The following PREP variants were observed in gnomAD, a reference collection of about 807,000 sequenced individuals.
PREP encodes prolyl endopeptidase, also known as dJ355L5.1 (prolyl endopeptidase).
PREP carries 29 observed loss-of-function variants against 87.6 expected under a neutral mutation model. The observed-to-expected ratio is 0.33, with a 90% CI of 0.25 to 0.45. The LOEUF (loss-of-function observed/expected upper bound fraction) is 0.45. Ranked by LOEUF, PREP falls within the 20% of genes least tolerant of loss-of-function variation. The pLI is 1.00. For missense variants in PREP, 695 were observed against 886.5 expected, an observed-to-expected ratio of 0.78 and a Z score of 2.74; for synonymous variants, 337 against 328.6, an observed-to-expected ratio of 1.03 and a Z score of -0.28.
chr6:105,331,316 C>A (rs760757701), intron 8 of PREP, among the ~76,000 whole-genome samples: 1 of 152,152 alleles, frequency 6.6e-6, no homozygotes, highest in African/African-American at 2.4e-5. Flanking sequence ...TATCACCCCC[C>A]CAACAAAATC....
At chr6:105,328,496 C>A (rs1771232668) in intron 9 of PREP, among the ~76,000 whole-genome samples, 1 of 152,072 alleles carries the variant, frequency 6.6e-6, no homozygotes, top group Non-Finnish European at 1.5e-5. Context: ...CCTTGTGACC[C>A]GCCTCGGCCT....
intron 6 of PREP, among the ~76,000 whole-genome samples, chr6:105,356,169 G>A (rs990005410): frequency 6.6e-6 from 1 of 151,848 alleles, no homozygotes; most frequent in African/African-American, 2.4e-5. Context: ...TTATTTTCTG[G>A]TCTGCCTGCA....
chr6:105,284,042 G>A (rs563077215), intron 12 of PREP, among the ~76,000 whole-genome samples: 1 of 152,246 alleles, frequency 6.6e-6, no homozygotes, highest in East Asian at 1.9e-4. Flanking sequence ...GAGTCAAGGG[G>A]TTCAGAATTA....
intron 10 of PREP, among the ~76,000 whole-genome samples, chr6:105,321,477 G>GCTA (rs1470257925): frequency 6.6e-6 from 1 of 152,232 alleles, no homozygotes; most frequent in Admixed American, 6.5e-5. Context: ...ATTCCAGGCT[G>GCTA]CTATGTATGT....
chr6:105,291,479 A>C (rs1770295618), intron 10 of PREP, among the ~76,000 whole-genome samples: 1 of 152,188 alleles, frequency 6.6e-6, no homozygotes, highest in Non-Finnish European at 1.5e-5. Context: ...TCCACCCTTC[A>C]TCTGGTGGGC....
Position 105,382,531 on chromosome 6 carries a change from TA to T in PREP, c.121-5013del, listed in dbSNP as rs561274342. Among the ~76,000 whole-genome samples, 356 of 152,160 alleles carry T rather than the reference TA, an allele frequency of 2.3e-3. 1 individual carries two copies. Among genetic ancestry groups the T allele is most frequent in the African/African-American group, 1.3e-3 (53 of 41,506 alleles). ...GTGTAAATTAAAAATACTGTTCACT[TA>T]AAAAAAACTCATCTTTTTACAATTC... On this transcript the variant is annotated intron_variant, in intron 2 of 14. Transcript: ENST00000652536.
intron 10 of PREP, among the ~76,000 whole-genome samples, chr6:105,321,645 G>A (rs547625881): frequency 1.3e-5 from 2 of 152,184 alleles, no homozygotes; most frequent in South Asian, 4.2e-4. Context: ...ATCTAATAGA[G>A]GAAACACCCC....
In PREP at chr6:105,377,535, A is replaced by C. The variant is rs375740554; in HGVS notation, c.121-16T>G. 3.1e-6 allele frequency: 5 copies of C among 1,608,086 alleles called. No homozygotes were observed. The African/African-American group carries it at 6.7e-5, about 22-fold the overall frequency. On this transcript the variant is annotated splice_polypyrimidine_tract_variant and intron_variant, in intron 2 of 14. Transcript: ENST00000652536. ...CCACAAAGGCCTGTGGAGAAATTAA[A>C]ATGGACAAAGCAAGTTAAATATAAA...
chr6:105,395,513 C>T (rs1773266850), intron 2 of PREP, among the ~76,000 whole-genome samples: 1 of 152,188 alleles, frequency 6.6e-6, no homozygotes, highest in African/African-American at 2.4e-5. Context: ...GAATGCAGAA[C>T]TCCCGGTAAA....
At chr6:105,333,710 G>C (rs563898993) in intron 7 of PREP, among the ~76,000 whole-genome samples, 10 of 152,122 alleles carry the variant, frequency 6.6e-5, no homozygotes, top group African/African-American at 2.2e-4. Flanking sequence ...CAGCAAGGAC[G>C]GGGGAATGAA....
chr6:105,395,331 T>TTTTTTTTTCAAAC, intron 2 of PREP, among the ~76,000 whole-genome samples: 2 of 152,224 alleles, frequency 1.3e-5, no homozygotes, highest in African/African-American at 4.8e-5. Context: ...TACTTATTTT[T>TTTTTTTTTCAAAC]TAATGTGTAA....
At chr6:105,356,882 T>C (rs1772113732) in intron 6 of PREP, among the ~76,000 whole-genome samples, 1 of 152,196 alleles carries the variant, frequency 6.6e-6, no homozygotes. Context: ...TTTGAACACA[T>C]CTAGTCTTTA....
chr6:105,376,159 G>A lies in PREP; in HGVS notation c.351C>T (p.Asn117=), dbSNP rs772487060. ...CCACTGTGCCATCGTCAGACAGTATGTTGGGGTCCAGGAACACTCTGGCCT... is the reference window on the plus strand; with the variant it reads ...CCACTGTGCCATCGTCAGACAGTATATTGGGGTCCAGGAACACTCTGGCCT... The part of the protein sequence containing the change: ...EGEARVFLDP[N]ILSDDGTVAL... Residue 117 remains asparagine (N), a synonymous_variant, in exon 4 of 15, where the codon AAC becomes AAT. Coordinates refer to ENST00000652536, the MANE Select transcript of PREP (RefSeq NM_002726.5). 24 of 1,613,874 alleles carry A rather than the reference G, an allele frequency of 1.5e-5. No homozygotes were observed. The highest frequency in any genetic ancestry group is 1.9e-5 in the Non-Finnish European group (22 of 1,179,836).
chr6:105,281,917 T>TAGAA lies in PREP; in HGVS notation c.1682-19_1682-16dup. Reference sequence around the variant, plus strand: ...TGCACAAGCAGCTAAAAGCCCAACGTAGAAAGAAAAGGGAGGCAGTCTATC... The same window carrying TAGAA: ...TGCACAAGCAGCTAAAAGCCCAACGTAGAAAGAAAGAAAAGGGAGGCAGTCTATC... On this transcript the variant is annotated splice_polypyrimidine_tract_variant and intron_variant, in intron 13 of 14. Transcript: ENST00000652536. 6.2e-7 allele frequency: 1 copy of TAGAA among 1,611,440 alleles called. No individual in the cohort carries two copies. Among genetic ancestry groups the TAGAA allele is most frequent in the African/African-American group, 1.3e-5 (1 of 74,814 alleles).
intron 9 of PREP, 74 bp downstream of exon 9, chr6:105,328,755 C>T: frequency 1.3e-6 from 2 of 1,488,570 alleles, no homozygotes; most frequent in South Asian, 1.2e-5. Context: ...TAGCATTATA[C>T]TTCCATTTCC....
intron 2 of PREP, among the ~76,000 whole-genome samples, chr6:105,395,862 T>C (rs1242957957): frequency 6.6e-6 from 1 of 152,236 alleles, no homozygotes; most frequent in East Asian, 1.9e-4. Context: ...TTCCAAGAGA[T>C]GCACAGGAAC....
intron 10 of PREP, among the ~76,000 whole-genome samples, chr6:105,315,391 T>A (rs1275403277): frequency 6.6e-6 from 1 of 152,182 alleles, no homozygotes; most frequent in Admixed American, 6.5e-5. Context: ...AGGCTCATCT[T>A]GAGCTCCTGG....
intron 9 of PREP, among the ~76,000 whole-genome samples, chr6:105,326,035 C>A (rs1771145276): frequency 6.6e-6 from 1 of 152,062 alleles, no homozygotes; most frequent in Non-Finnish European, 1.5e-5. Flanking sequence ...ATCAGGGGAT[C>A]CGAAAAGTCA....
chr6:105,390,377 A>G (rs1773108932), intron 2 of PREP, among the ~76,000 whole-genome samples: 1 of 152,242 alleles, frequency 6.6e-6, no homozygotes, highest in Non-Finnish European at 1.5e-5. Flanking sequence ...CAATCCTGTT[A>G]GAGTTCTCTT....
Sources: allele counts gnomAD v4.1 joint callset (sites outside exome capture counted in the v4.1 genomes callset), GRCh38; gene constraint gnomAD v4.1.1; transcripts MANE v1.5; gene names NCBI Gene and HGNC (gene_info 2026-07-23, HGNC 2026-07-21).